PKP2: variants seen among roughly 807,000 people sequenced by gnomAD.
PKP2 encodes the protein plakophilin-2.
In PKP2, 73 loss-of-function variants were observed where a neutral mutation model predicts 83.4. The observed-to-expected ratio is 0.88, with a 90% CI of 0.72 to 1.06. The LOEUF (loss-of-function observed/expected upper bound fraction) is 1.06, where lower values mean the gene tolerates loss of function less well. Ranked by LOEUF, PKP2 falls within the 50% of genes least tolerant of loss-of-function variation. PKP2 has a pLI of 0.00. For synonymous variants in PKP2, 409 were observed against 430.4 expected (o/e 0.95, Z 0.62); for missense variants, 966 against 1,065.4 (o/e 0.91, Z 1.30).
intron 5 of PKP2, among the ~76,000 whole-genome samples, chr12:32,845,413 G>C (rs189302955): frequency 1.2e-3 from 189 of 152,200 alleles, no homozygotes; most frequent in African/African-American, 4.5e-3. Context: ...TTAGCCAGGC[G>C]TGGTGGCGGG....
chr12:32,879,067 A>T (rs758444761), intron 1 of PKP2, 35 bp from the exon 2 acceptor site: 2 of 1,050,840 alleles, frequency 1.9e-6, no homozygotes, highest in South Asian at 2.5e-5. Context: ...AACTCAGAAT[A>T]CAAGTAGGCT....
chr12:32,799,543 T>A (rs1254114464), intron 10 of PKP2, among the ~76,000 whole-genome samples: 1 of 152,098 alleles, frequency 6.6e-6, no homozygotes, highest in Non-Finnish European at 1.5e-5. Context: ...TAAATGCCCA[T>A]CAACCAACGA....
intron 10 of PKP2, 152 bp from the exon 11 acceptor site, chr12:32,796,450 T>C (rs1054821956): frequency 1.4e-6 from 1 of 717,384 alleles, no homozygotes; most frequent in Non-Finnish European, 2.3e-6. Context: ...TGGCACCATC[T>C]TGGCTCACTG....
chr12:32,804,642 T>A (rs1956212360), intron 9 of PKP2, among the ~76,000 whole-genome samples: 1 of 152,232 alleles, frequency 6.6e-6, no homozygotes, highest in Non-Finnish European at 1.5e-5. Context: ...CGTTCCTTTT[T>A]ATGGCTGCAC....
At chr12:32,827,049 G>A (rs923370693) in intron 6 of PKP2, among the ~76,000 whole-genome samples, 5 of 152,324 alleles carry the variant, frequency 3.3e-5, no homozygotes, top group Admixed American at 1.3e-4. Flanking sequence ...CAGGATAAAT[G>A]GCAGTAGTTT....
chr12:32,852,264 AC>A (rs1253011484), intron 4 of PKP2, among the ~76,000 whole-genome samples: 1 of 152,196 alleles, frequency 6.6e-6, no homozygotes, highest in Admixed American at 6.5e-5. Flanking sequence ...GGACACCCTA[AC>A]TACCAGCAGT....
intron 5 of PKP2, among the ~76,000 whole-genome samples, chr12:32,847,454 A>C (rs1007333721): frequency 3.3e-5 from 5 of 152,186 alleles, no homozygotes. Flanking sequence ...AACATCACAG[A>C]ATGTTCTCTG....
At chr12:32,839,889 T>C (rs1357215870) in intron 6 of PKP2, among the ~76,000 whole-genome samples, 3 of 152,216 alleles carry the variant, frequency 2.0e-5, no homozygotes, top group African/African-American at 7.2e-5. Flanking sequence ...CTTTCAAGAA[T>C]GTGGTCCTTT....
chr12:32,832,655 AG>A (rs1255374275), intron 6 of PKP2, among the ~76,000 whole-genome samples: 1 of 152,214 alleles, frequency 6.6e-6, no homozygotes, highest in Non-Finnish European at 1.5e-5. Context: ...TGAACTATCT[AG>A]ATACTTTCAT....
chr12:32,843,200 C>T (rs771076233), intron 5 of PKP2: 2 of 564,452 alleles, frequency 3.5e-6, no homozygotes, highest in South Asian at 1.4e-5. Flanking sequence ...TCAGGCTGGT[C>T]TCGAACTCCT....
At chr12:32,792,988 C>T (rs552148149) in intron 11 of PKP2, 7 of 442,164 alleles carry the variant, frequency 1.6e-5, no homozygotes, top group Non-Finnish European at 2.1e-5. Context: ...GGGTGGCTCA[C>T]GCCTGTAATC....
At chr12:32,871,129 C>A (rs1592760075) in intron 3 of PKP2, among the ~76,000 whole-genome samples, 2 of 152,062 alleles carry the variant, frequency 1.3e-5, no homozygotes, top group Middle Eastern at 3.4e-3. Flanking sequence ...CTTTTCCTCC[C>A]CCTCCTTGGA....
At chr12:32,883,693 C>T (rs1161335223) in intron 1 of PKP2, among the ~76,000 whole-genome samples, 1 of 152,100 alleles carries the variant, frequency 6.6e-6, no homozygotes, top group Non-Finnish European at 1.5e-5. Context: ...TGAAGAAATC[C>T]GTAGGCTTCA....
chr12:32,829,650 C>G (rs1462441020), intron 6 of PKP2, among the ~76,000 whole-genome samples: 1 of 150,078 alleles, frequency 6.7e-6, no homozygotes, highest in Non-Finnish European at 1.5e-5. Flanking sequence ...GGCTGTGGGA[C>G]CAGTCTTTTA....
At chr12:32,797,052 C>T (rs972693753) in intron 10 of PKP2, among the ~76,000 whole-genome samples, 1 of 152,002 alleles carries the variant, frequency 6.6e-6, no homozygotes. Flanking sequence ...GACTATTATT[C>T]ATCACAAAAC....
At chr12:32,830,591 G>A (rs948837662) in intron 6 of PKP2, among the ~76,000 whole-genome samples, 1 of 152,074 alleles carries the variant, frequency 6.6e-6, no homozygotes, top group Admixed American at 6.6e-5. Flanking sequence ...AGGTGGTAGA[G>A]GAGAAAATCT....
intron 1 of PKP2, among the ~76,000 whole-genome samples, chr12:32,889,134 G>C (rs936877351): frequency 6.6e-6 from 1 of 152,140 alleles, no homozygotes; most frequent in Admixed American, 6.5e-5. Flanking sequence ...ACTGAACTAA[G>C]TTAACTGGGC....
chr12:32,792,810 C>T (rs752023880), intron 11 of PKP2, 79 bp from the exon 12 acceptor site: 46 of 1,069,904 alleles, frequency 4.3e-5, no homozygotes, highest in Non-Finnish European at 6.6e-5. Flanking sequence ...TCTGTAAGAC[C>T]TCTTCGCTCC....
In PKP2 at chr12:32,801,851, C is replaced by T. The variant is rs1956182076; in HGVS notation, c.2167+552G>A. On this transcript the variant is annotated intron_variant, in intron 10 of 12. Transcript: ENST00000340811. ...ATACAGTCAAAGGCAAAATATGTCT[C>T]ATCACAGTTACTCAAAAAAAATCCA... 2.0e-5 allele frequency among the ~76,000 whole-genome samples: 3 copies of T among 151,992 alleles called. No individual in the cohort carries two copies. The South Asian group carries it at 6.2e-4, about 32-fold the overall frequency.
Sources: allele counts gnomAD v4.1 joint callset (sites outside exome capture counted in the v4.1 genomes callset), GRCh38; gene constraint gnomAD v4.1.1; transcripts MANE v1.5; gene names NCBI Gene and HGNC (gene_info 2026-07-23, HGNC 2026-07-21).